Variants in DLC1 observed in about 807,000 individuals in gnomAD.
The protein encoded by DLC1 is DLC1 Rho GTPase activating protein, also known as rho GTPase-activating protein 7.
DLC1 carries 54 observed loss-of-function variants against 140.3 expected under a neutral mutation model. That is an observed-to-expected ratio of 0.38 (90% CI 0.31 to 0.48). The LOEUF is 0.48. Ranked by LOEUF, DLC1 falls within the 20% of genes least tolerant of loss-of-function variation. The pLI is 0.96. For missense variants in DLC1, 2,536 were observed against 1,907.0 expected (o/e 1.33, Z -6.14); for synonymous variants, 986 against 728.1 (o/e 1.35, Z -5.70).
chr8:13,354,718 G>T (rs1834839345), intron 4 of DLC1, among the ~76,000 whole-genome samples: 2 of 151,398 alleles, frequency 1.3e-5, no homozygotes, highest in Non-Finnish European at 1.5e-5. Context: ...GCCGAAGTGG[G>T]TGGATTGCTT....
chr8:13,475,812 A>G (rs533547884), intron 2 of DLC1, among the ~76,000 whole-genome samples: 2 of 152,312 alleles, frequency 1.3e-5, no homozygotes, highest in Non-Finnish European at 2.9e-5. Flanking sequence ...TGAACTTGTG[A>G]TGGGAAGGAG....
At chr8:13,601,979 C>A (rs1805901872) in intron 1 of DLC1, among the ~76,000 whole-genome samples, 1 of 151,708 alleles carries the variant, frequency 6.6e-6, no homozygotes, top group Non-Finnish European at 1.5e-5. Flanking sequence ...CATTGAGCTC[C>A]AATGGCTACC....
chr8:13,122,535 G>C (rs1320710789), intron 5 of DLC1, among the ~76,000 whole-genome samples: 5 of 152,106 alleles, frequency 3.3e-5, no homozygotes, highest in African/African-American at 4.8e-5. Flanking sequence ...TTTAAAGGCA[G>C]ACTGAAAACG....
At chr8:13,263,334 C>G (rs1490844632) in intron 5 of DLC1, among the ~76,000 whole-genome samples, 2 of 152,062 alleles carry the variant, frequency 1.3e-5, no homozygotes, top group Non-Finnish European at 2.9e-5. Context: ...CTTTCCATTT[C>G]CTATCCTCAG....
intron 3 of DLC1, among the ~76,000 whole-genome samples, chr8:13,398,428 G>C (rs1376856893): frequency 1.3e-5 from 2 of 151,988 alleles, no homozygotes; most frequent in East Asian, 3.9e-4. Flanking sequence ...TGTCAAATAA[G>C]AGAAAGGATG....
intron 4 of DLC1, among the ~76,000 whole-genome samples, chr8:13,380,614 T>G (rs1236198453): frequency 6.6e-6 from 1 of 152,188 alleles, no homozygotes; most frequent in Non-Finnish European, 1.5e-5. Context: ...ACTCTGTGGT[T>G]TTACATTCCT....
At chr8:13,428,398 A>G (rs1192488460) in intron 2 of DLC1, among the ~76,000 whole-genome samples, 1 of 152,208 alleles carries the variant, frequency 6.6e-6, no homozygotes, top group African/African-American at 2.4e-5. Flanking sequence ...TCAATTTTCA[A>G]AAATTCTGTT....
At chr8:13,218,587 C>T (rs1231230305) in intron 5 of DLC1, among the ~76,000 whole-genome samples, 1 of 151,646 alleles carries the variant, frequency 6.6e-6, no homozygotes, top group Non-Finnish European at 1.5e-5. Context: ...GCTTCACACA[C>T]ACTAGGACAG....
intron 1 of DLC1, among the ~76,000 whole-genome samples, chr8:13,520,712 G>T (rs2117283470): frequency 6.6e-6 from 1 of 152,256 alleles, no homozygotes. Flanking sequence ...GAGTCTGCCT[G>T]CCTGTCCTGT....
chr8:13,458,133 C>T (rs1799495612), intron 2 of DLC1, among the ~76,000 whole-genome samples: 1 of 152,080 alleles, frequency 6.6e-6, no homozygotes, highest in Non-Finnish European at 1.5e-5. Context: ...AGAGTCTAGA[C>T]ACTATAGAAC....
At position 13,504,423 on chromosome 8, in the gene DLC1, C is replaced by G. The variant is rs7836435; in HGVS notation, c.-125-4227G>C. Among the ~76,000 whole-genome samples the G allele has an allele frequency of 4.6e-3, 701 of 152,228 alleles. 7 individuals carry two copies. The highest frequency in any genetic ancestry group is 0.016 in the African/African-American group (674 of 41,544). On this transcript the variant is annotated intron_variant, in intron 1 of 17. Transcript: ENST00000276297. Reference sequence around the variant, plus strand: ...CACAGGCGTGAGCCACCGCGCCCGGCCTTCAGAGAACATTAAGAGAAGAAA... The same window carrying G: ...CACAGGCGTGAGCCACCGCGCCCGGGCTTCAGAGAACATTAAGAGAAGAAA...
chr8:13,096,568 C>A (rs1187617941), intron 10 of DLC1, among the ~76,000 whole-genome samples: 1 of 148,522 alleles, frequency 6.7e-6, no homozygotes, highest in Admixed American at 6.7e-5. Flanking sequence ...GTGAAAAGAA[C>A]ACATTACGAT....
intron 4 of DLC1, among the ~76,000 whole-genome samples, chr8:13,378,882 A>G (rs894423655): frequency 2.0e-5 from 3 of 152,158 alleles, no homozygotes; most frequent in African/African-American, 7.2e-5. Context: ...TCTTAAACCA[A>G]TTAATGGGTT....
At chr8:13,413,363 A>G (rs961714229) in intron 2 of DLC1, among the ~76,000 whole-genome samples, 1 of 146,372 alleles carries the variant, frequency 6.8e-6, no homozygotes, top group Non-Finnish European at 1.5e-5. Flanking sequence ...GGGGAAGCCA[A>G]AAGATTGAAC....
intron 2 of DLC1, among the ~76,000 whole-genome samples, chr8:13,493,319 C>T (rs959357036): frequency 2.0e-5 from 3 of 152,204 alleles, no homozygotes; most frequent in East Asian, 1.9e-4. Context: ...ATTGTCCTTG[C>T]TTTCATTCCA....
intron 2 of DLC1, among the ~76,000 whole-genome samples, chr8:13,417,614 T>C (rs1340520130): frequency 7.2e-5 from 11 of 152,210 alleles, no homozygotes; most frequent in African/African-American, 2.4e-4. Flanking sequence ...CTATGATTGT[T>C]GGACATTTGT....
chr8:13,180,743 C>T lies in DLC1; in HGVS notation c.1349-65086G>A, dbSNP rs1384562598. ...TATAATCCTATATTCACCATTTTCT[C>T]AGTAAGAATTCAATTAAAACCAAAA... On this transcript the variant is annotated intron_variant, in intron 5 of 17. Coordinates refer to ENST00000276297, the MANE Select transcript of DLC1 (RefSeq NM_182643.3). Among the ~76,000 whole-genome samples, 3 of 152,278 alleles carry T rather than the reference C, an allele frequency of 2.0e-5. No individual in the cohort carries two copies. In the East Asian group the frequency reaches 5.8e-4, roughly 29 times the overall value.
At chr8:13,378,811 A>C (rs915387541) in intron 4 of DLC1, among the ~76,000 whole-genome samples, 1 of 152,160 alleles carries the variant, frequency 6.6e-6, no homozygotes, top group South Asian at 2.1e-4. Flanking sequence ...TTCATGTCCT[A>C]GTAATGTCCC....
intron 5 of DLC1, among the ~76,000 whole-genome samples, chr8:13,168,151 G>A (rs1361925552): frequency 6.6e-6 from 1 of 152,000 alleles, no homozygotes; most frequent in Non-Finnish European, 1.5e-5. Context: ...TTTCTTATGA[G>A]GCCACTTCTA....
Sources: gnomAD v4.1 joint callset for allele counts (sites outside exome capture counted in the v4.1 genomes callset) on GRCh38, gnomAD v4.1.1 for gene constraint, MANE v1.5 for transcripts, NCBI Gene and HGNC (gene_info 2026-07-23, HGNC 2026-07-21) for gene names.